The following CPQ variants were observed in gnomAD, a reference collection of about 807,000 sequenced individuals.
CPQ encodes the protein Ser-Met dipeptidase.
A neutral mutation model predicts 45.7 loss-of-function variants in CPQ; 37 were observed. The observed-to-expected ratio is 0.81, with a 90% CI of 0.62 to 1.07. CPQ has a LOEUF of 1.07. Ranked by LOEUF, CPQ falls within the 50% of genes least tolerant of loss-of-function variation. CPQ has a pLI of 0.00. For missense variants in CPQ, 537 were observed against 572.9 expected, an observed-to-expected ratio of 0.94 and a Z score of 0.64; for synonymous variants, 186 against 205.8, an observed-to-expected ratio of 0.90 and a Z score of 0.82.
At chr8:96,740,511 T>C (rs1563484597) in intron 1 of CPQ, among the ~76,000 whole-genome samples, 2 of 151,166 alleles carry the variant, frequency 1.3e-5, no homozygotes, top group Non-Finnish European at 2.9e-5. Flanking sequence ...TGAATAGGAG[T>C]GGTGAGAGAG....
intron 3 of CPQ, among the ~76,000 whole-genome samples, chr8:96,838,206 G>A (rs890482869): frequency 5.3e-5 from 8 of 152,064 alleles, no homozygotes; most frequent in Non-Finnish European, 8.8e-5. Context: ...GTTTTGGTTC[G>A]TGCTTTGGTA....
intron 5 of CPQ, among the ~76,000 whole-genome samples, chr8:96,968,021 T>C (rs1168247080): frequency 6.6e-6 from 1 of 152,150 alleles, no homozygotes; most frequent in Non-Finnish European, 1.5e-5. Context: ...AGCATGATTC[T>C]GACAGTACCA....
At chr8:96,938,380 G>C (rs1300331290) in intron 4 of CPQ, among the ~76,000 whole-genome samples, 1 of 152,184 alleles carries the variant, frequency 6.6e-6, no homozygotes, top group Non-Finnish European at 1.5e-5. Flanking sequence ...CTAGGTGACA[G>C]AGCAGGACCC....
At chr8:96,968,157 C>G (rs1813603074) in intron 5 of CPQ, among the ~76,000 whole-genome samples, 1 of 152,096 alleles carries the variant, frequency 6.6e-6, no homozygotes, top group Admixed American at 6.5e-5. Context: ...CTATGTATCC[C>G]TAAAATATCC....
intron 1 of CPQ, among the ~76,000 whole-genome samples, chr8:96,662,728 T>C (rs1173069639): frequency 6.6e-6 from 1 of 152,194 alleles, no homozygotes; most frequent in African/African-American, 2.4e-5. Flanking sequence ...GTGTGGTGGC[T>C]CATGCATACA....
intron 2 of CPQ, among the ~76,000 whole-genome samples, chr8:96,790,335 T>C (rs1050371928): frequency 1.3e-5 from 2 of 152,118 alleles, no homozygotes; most frequent in African/African-American, 2.4e-5. Context: ...CTCAGCCTTG[T>C]TGGCTTGCAG....
chr8:97,101,572 C>CTTTTTTTTTTTTTTTTT (rs5893410), intron 7 of CPQ, among the ~76,000 whole-genome samples: 1 of 114,212 alleles, frequency 8.8e-6, no homozygotes, highest in African/African-American at 3.3e-5. Context: ...TTTCTTTTTT[C>CTTTTTTTTTTTTTTTTT]TTTTTTTTTT....
chr8:96,872,682 A>G (rs1357446726), intron 3 of CPQ, among the ~76,000 whole-genome samples: 1 of 151,906 alleles, frequency 6.6e-6, no homozygotes, highest in African/African-American at 2.4e-5. Flanking sequence ...ATCCAGAGAA[A>G]CAAAACCAAT....
chr8:97,070,818 A>G (rs561486438), intron 7 of CPQ, among the ~76,000 whole-genome samples: 27 of 152,278 alleles, frequency 1.8e-4, no homozygotes, highest in African/African-American at 6.3e-4. Context: ...AGAGGCTTTA[A>G]ATCTCAAGTT....
At chr8:96,832,072 G>T (rs1035285490) in intron 2 of CPQ, among the ~76,000 whole-genome samples, 2 of 151,940 alleles carry the variant, frequency 1.3e-5, no homozygotes. Context: ...GTTTTTTGTG[G>T]TACTGTTGTC....
chr8:96,740,916 A>G (rs2130778320), intron 1 of CPQ, among the ~76,000 whole-genome samples: 1 of 152,306 alleles, frequency 6.6e-6, no homozygotes, highest in East Asian at 1.9e-4. Flanking sequence ...ATATTGGTCT[A>G]AAATTCTCTT....
intron 2 of CPQ, among the ~76,000 whole-genome samples, chr8:96,802,691 T>G (rs1443558366): frequency 6.6e-6 from 1 of 152,194 alleles, no homozygotes; most frequent in Non-Finnish European, 1.5e-5. Flanking sequence ...GGTCTGCTAT[T>G]GGTAAATGCA....
intron 5 of CPQ, among the ~76,000 whole-genome samples, chr8:96,991,153 C>G (rs1019433812): frequency 6.6e-6 from 1 of 152,128 alleles, no homozygotes; most frequent in Admixed American, 6.5e-5. Context: ...GTATAAAGAC[C>G]CAGGTTTGAG....
intron 4 of CPQ, among the ~76,000 whole-genome samples, chr8:96,953,120 A>G (rs1813294968): frequency 6.6e-6 from 1 of 152,148 alleles, no homozygotes; most frequent in African/African-American, 2.4e-5. Flanking sequence ...TGATGATAGG[A>G]ATTTGCACTA....
intron 2 of CPQ, among the ~76,000 whole-genome samples, chr8:96,813,923 A>G (rs2130831187): frequency 6.6e-6 from 1 of 152,242 alleles, no homozygotes; most frequent in South Asian, 2.1e-4. Context: ...TCATTATGGT[A>G]CATATGATAA....
intron 4 of CPQ, among the ~76,000 whole-genome samples, chr8:96,884,335 T>G (rs1812271256): frequency 6.6e-6 from 1 of 152,076 alleles, no homozygotes; most frequent in East Asian, 1.9e-4. Flanking sequence ...CCTCACTATT[T>G]CCCCCCGATT....
At chr8:97,134,324 G>GTAGA (rs1225237227) in intron 7 of CPQ, among the ~76,000 whole-genome samples, 1 of 152,172 alleles carries the variant, frequency 6.6e-6, no homozygotes, top group Non-Finnish European at 1.5e-5. Context: ...GTTTCAACTG[G>GTAGA]TAGATAGTGC....
At chr8:96,803,129 A>G (rs367620962) in intron 2 of CPQ, among the ~76,000 whole-genome samples, 5 of 152,284 alleles carry the variant, frequency 3.3e-5, no homozygotes, top group East Asian at 3.9e-4. Flanking sequence ...AACCAATAGT[A>G]TACATTCCAG....
At position 96,774,940 on chromosome 8, in the gene CPQ, A is replaced by G. The variant is rs566996263; in HGVS notation, c.-34-9924A>G. ...AAAATCTGACTAAGTGGCTAAAAGA[A>G]ATAGAGTTTATTTTTCTCATATACA... is the stretch of plus-strand genomic sequence containing the variant. On this transcript the variant is annotated intron_variant, in intron 1 of 7. Transcript: ENST00000220763. Among the ~76,000 whole-genome samples, 218 of 152,342 alleles carry G rather than the reference A, an allele frequency of 1.4e-3. 4 individuals carry two copies. Among genetic ancestry groups the G allele is most frequent in the Admixed American group, 0.011 (169 of 15,292 alleles).
Sources: gnomAD v4.1 joint callset for allele counts (sites outside exome capture counted in the v4.1 genomes callset) on GRCh38, gnomAD v4.1.1 for gene constraint, MANE v1.5 for transcripts, NCBI Gene and HGNC (gene_info 2026-07-23, HGNC 2026-07-21) for gene names.